Variants in TMEM132B observed in about 807,000 individuals in gnomAD.
TMEM132B encodes the protein transmembrane protein 132B.
TMEM132B carries 18 observed loss-of-function variants against 90.8 expected under a neutral mutation model. That is an observed-to-expected ratio of 0.20 (90% CI 0.14 to 0.29). The LOEUF is 0.29. Ranked by LOEUF, TMEM132B falls within the 10% of genes least tolerant of loss-of-function variation. The probability of loss-of-function intolerance (pLI) is 1.00; values close to 1 mark genes in which losing one functional copy is unlikely to be tolerated. For missense variants in TMEM132B, 1,096 were observed against 1,326.8 expected (o/e 0.83, Z 2.70); for synonymous variants, 504 against 523.3 (o/e 0.96, Z 0.50).
At chr12:125,650,996 G>A (rs1379674363) in intron 7 of TMEM132B, 43 bp downstream of exon 7, 1 of 1,604,806 alleles carries the variant, frequency 6.2e-7, no homozygotes, top group South Asian at 1.1e-5. Flanking sequence ...CTGTGTTGAT[G>A]AGTGGCCAGG....
At chr12:125,456,664 T>C (rs1460710449) in intron 3 of TMEM132B, among the ~76,000 whole-genome samples, 1 of 152,142 alleles carries the variant, frequency 6.6e-6, no homozygotes, top group Non-Finnish European at 1.5e-5. Context: ...ACCTGGCCAC[T>C]CACCAGGCTG....
chr12:125,491,483 A>G (rs1358090871), intron 3 of TMEM132B, among the ~76,000 whole-genome samples: 1 of 152,184 alleles, frequency 6.6e-6, no homozygotes, highest in African/African-American at 2.4e-5. Flanking sequence ...TCAAAGCCGC[A>G]GCTCACCAAG....
intron 5 of TMEM132B, among the ~76,000 whole-genome samples, chr12:125,626,989 CTCTTATTCCCTTTGTGTT>C (rs1886248927): frequency 6.6e-6 from 1 of 152,116 alleles, no homozygotes; most frequent in South Asian, 2.1e-4. Flanking sequence ...TTCTTTGTCA[CTCTTATTCCCTTTGTGTT>C]TCAGTTGGGG....
intron 1 of TMEM132B, among the ~76,000 whole-genome samples, chr12:125,306,196 A>T (rs527322639): frequency 6.6e-6 from 1 of 152,258 alleles, no homozygotes; most frequent in Non-Finnish European, 1.5e-5. Flanking sequence ...TTTTCCAACC[A>T]TGACTGGAAA....
chr12:125,505,203 T>C (rs893992918), intron 3 of TMEM132B, among the ~76,000 whole-genome samples: 1 of 80,356 alleles, frequency 1.2e-5, no homozygotes, highest in African/African-American at 4.7e-5. Flanking sequence ...AAACAGTAAG[T>C]GGGGACTTGT....
intron 3 of TMEM132B, among the ~76,000 whole-genome samples, chr12:125,443,170 C>T (rs1880919185): frequency 6.6e-6 from 1 of 152,178 alleles, no homozygotes; most frequent in Admixed American, 6.5e-5. Context: ...TATTTTTCTT[C>T]TCAATTGTAG....
chr12:125,264,084 GA>G (rs1384961755), intron 1 of TMEM132B, among the ~76,000 whole-genome samples: 1 of 152,196 alleles, frequency 6.6e-6, no homozygotes, highest in Admixed American at 6.5e-5. Context: ...AGCTCTAGAG[GA>G]AAATATGTTT....
chr12:125,277,764 A>G lies in TMEM132B; in HGVS notation c.68-71688A>G, dbSNP rs924843230. ...TGTTATAAGCCATCCCATTTGTGGT[A>G]ATTTGTTGTGGCAGCTCTGGGGAGC... On this transcript the variant is annotated intron_variant, in intron 1 of 8. Coordinates refer to ENST00000682704, the MANE Select transcript of TMEM132B (RefSeq NM_001366854.1). This position sits in a 1 kb window ranked among gnomAD's most constrained non-coding sequence, Gnocchi z 4.3. Among the ~76,000 whole-genome samples, 1 of 152,216 alleles carries G rather than the reference A, an allele frequency of 6.6e-6. No homozygotes were observed. Among genetic ancestry groups the G allele is most frequent in the Non-Finnish European group, 1.5e-5 (1 of 68,040 alleles).
At chr12:125,312,856 A>G (rs1018414975) in intron 1 of TMEM132B, among the ~76,000 whole-genome samples, 1 of 152,140 alleles carries the variant, frequency 6.6e-6, no homozygotes, top group Admixed American at 6.5e-5. Flanking sequence ...CAGGATGGGG[A>G]TGAGGGTGTC....
chr12:125,582,872 T>C (rs1490588431), intron 4 of TMEM132B, among the ~76,000 whole-genome samples: 1 of 152,138 alleles, frequency 6.6e-6, no homozygotes, highest in Non-Finnish European at 1.5e-5. Flanking sequence ...CTGTGGTAGA[T>C]GCTGTTGATG....
intron 4 of TMEM132B, among the ~76,000 whole-genome samples, chr12:125,561,781 G>A (rs1170937349): frequency 6.6e-6 from 1 of 151,976 alleles, no homozygotes; most frequent in Non-Finnish European, 1.5e-5. Flanking sequence ...TAAACAGAGG[G>A]GCTATCATCC....
At chr12:125,282,302 C>G (rs1480490538) in intron 1 of TMEM132B, among the ~76,000 whole-genome samples, 1 of 152,088 alleles carries the variant, frequency 6.6e-6, no homozygotes, top group South Asian at 2.1e-4. Context: ...GCCCTGGTGC[C>G]CCCGCCTTCC....
rs573373526 is a variant in TMEM132B at position 125,651,066 on chromosome 12, A to G, written c.1914+113A>G. On this transcript the variant is annotated intron_variant, in intron 7 of 8. Transcript: ENST00000682704. ...CATGTGCATGTGGACATGTATATCA[A>G]CGTGTGTCACTGTGCATGTATTGCC... 1.2e-5 allele frequency: 17 copies of G among 1,394,480 alleles called. No individual in the cohort carries two copies. In the South Asian group the frequency reaches 1.2e-4, roughly 10 times the overall value. 86.4% of individuals were successfully genotyped at this position (1,394,480 alleles called of 1,614,324 possible).
At chr12:125,192,017 G>C (rs537575351) in intron 1 of TMEM132B, among the ~76,000 whole-genome samples, 1 of 152,304 alleles carries the variant, frequency 6.6e-6, no homozygotes, top group South Asian at 2.1e-4. Context: ...AGAAAGGAAG[G>C]GCTGATTGGG....
In TMEM132B at chr12:125,652,534, G is replaced by A. The variant is rs1034128891; in HGVS notation, c.2008G>A (p.Val670Ile). ...CATCGCGGAGCTGGGAGTGCAGCTC[G>A]TAGCTGGCATGTCTCTCTCCCTGCA... ...VTIAELGVQL[V>I]AGMSLSLQPH... Residue 670 changes from valine to isoleucine, a missense_variant, in exon 8 of 9, where the codon GTA becomes ATA. By Grantham distance (29) the Val-to-Ile change is conservative. Coordinates refer to ENST00000682704, the MANE Select transcript of TMEM132B (RefSeq NM_001366854.1). The A allele has an allele frequency of 2.5e-6, 4 of 1,613,840 alleles. No homozygotes were observed. The highest frequency in any genetic ancestry group is 1.7e-5 in the Admixed American group (1 of 60,006).
chr12:125,539,719 C>T (rs1883904626), intron 4 of TMEM132B, among the ~76,000 whole-genome samples: 1 of 152,170 alleles, frequency 6.6e-6, no homozygotes, highest in South Asian at 2.1e-4. Flanking sequence ...CTTATTCTGG[C>T]ATTGATTCTT....
At chr12:125,434,361 C>T (rs1010491399) in intron 3 of TMEM132B, among the ~76,000 whole-genome samples, 4 of 152,222 alleles carry the variant, frequency 2.6e-5, no homozygotes, top group African/African-American at 9.7e-5. Context: ...TGTAGGGCAC[C>T]GTGTTCACAG....
intron 3 of TMEM132B, among the ~76,000 whole-genome samples, chr12:125,518,022 T>TA (rs1349811306): frequency 5.3e-5 from 8 of 152,212 alleles, no homozygotes; most frequent in African/African-American, 2.4e-5. Context: ...GGCACTGTGG[T>TA]ATCAGAGAGT....
intron 1 of TMEM132B, among the ~76,000 whole-genome samples, chr12:125,330,389 G>A (rs1337783907): frequency 6.9e-6 from 1 of 145,676 alleles, no homozygotes; most frequent in Admixed American, 6.8e-5. Flanking sequence ...TATAGTTATG[G>A]TTGACATTTT....
Sources: gnomAD v4.1 joint callset for allele counts (sites outside exome capture counted in the v4.1 genomes callset) on GRCh38, gnomAD v4.1.1 for gene constraint, Gnocchi (gnomAD v3.1) non-coding constraint, MANE v1.5 for transcripts, NCBI Gene and HGNC (gene_info 2026-07-23, HGNC 2026-07-21) for gene names.